Variants in TMC1 observed in about 807,000 individuals in gnomAD.
The protein encoded by TMC1 is transmembrane channel like 1.
A neutral mutation model predicts 105.8 loss-of-function variants in TMC1; 84 were observed. The ratio of observed to expected loss-of-function variants is 0.79; its 90% CI spans 0.67 to 0.95. TMC1 has a LOEUF of 0.95. Among genes scored for constraint, TMC1 ranks in the 40% least tolerant of loss-of-function variants. TMC1 has a pLI of 0.00. For synonymous variants in TMC1, 315 were observed against 311.5 expected (o/e 1.01, Z -0.12); for missense variants, 817 against 914.1 (o/e 0.89, Z 1.37).
Position 72,594,907 on chromosome 9 carries a change from C to T in TMC1, c.-306+16884C>T, listed in dbSNP as rs554016453. 1.1e-3 allele frequency among the ~76,000 whole-genome samples: 164 copies of T among 151,672 alleles called. 2 individuals are homozygous for T. The highest frequency in any genetic ancestry group is 0.01 in the South Asian group (49 of 4,774). On this transcript the variant is annotated intron_variant, in intron 2 of 23. Transcript: ENST00000297784. ...TTGAGACAGCGTCTCACTCTGTCAC[C>T]CAGGCTTGAGTGCAGTGGCGCAATC...
At position 72,836,042 on chromosome 9, in the gene TMC1, G is replaced by A. The variant is rs761420487; in HGVS notation, c.*69G>A. The A allele has an allele frequency of 1.2e-5, 19 of 1,545,994 alleles. No individual in the cohort carries two copies. In the East Asian group the frequency reaches 1.4e-4, roughly 11 times the overall value. Reference sequence around the variant, plus strand: ...TTTAAAAGTAATGCAATATGTGAACGCCCAGAGAACAAGCACTGTGGAACT... The same window carrying A: ...TTTAAAAGTAATGCAATATGTGAACACCCAGAGAACAAGCACTGTGGAACT... On this transcript the variant is annotated 3_prime_UTR_variant, in exon 24 of 24. Coordinates refer to ENST00000297784, the MANE Select transcript of TMC1 (RefSeq NM_138691.3).
At position 72,743,881 on chromosome 9, in the gene TMC1, A is replaced by C. The variant is rs750630412; in HGVS notation, c.535+1356A>C. Among the ~76,000 whole-genome samples, 55 of 152,342 alleles carry C rather than the reference A, an allele frequency of 3.6e-4. 1 individual carries two copies. Among genetic ancestry groups the C allele is most frequent in the Non-Finnish European group, 6.9e-4 (47 of 68,036 alleles). On this transcript the variant is annotated intron_variant, in intron 10 of 23. Coordinates refer to ENST00000297784, the MANE Select transcript of TMC1 (RefSeq NM_138691.3). ...TAAAAAAAGGGATAACATTTGAAACAATTTTGAGCACAATCTTTCCATATT... is the reference window on the plus strand; with the variant it reads ...TAAAAAAAGGGATAACATTTGAAACCATTTTGAGCACAATCTTTCCATATT...
intron 1 of TMC1, among the ~76,000 whole-genome samples, chr9:72,525,382 C>T (rs996884670): frequency 6.6e-6 from 1 of 152,164 alleles, no homozygotes; most frequent in African/African-American, 2.4e-5. Context: ...AAAAAGTGAA[C>T]CAGATACTAC....
intron 8 of TMC1, among the ~76,000 whole-genome samples, chr9:72,702,076 T>G (rs1020924169): frequency 6.6e-6 from 1 of 152,182 alleles, no homozygotes; most frequent in African/African-American, 2.4e-5. Flanking sequence ...AAAAATATTC[T>G]TACCTGGCAA....
At chr9:72,695,813 C>T (rs1826541020) in intron 7 of TMC1, among the ~76,000 whole-genome samples, 1 of 152,136 alleles carries the variant, frequency 6.6e-6, no homozygotes, top group Non-Finnish European at 1.5e-5. Context: ...TCCTCTTCCC[C>T]AGCTTTTCCT....
At chr9:72,570,676 CTTTTTTTTTTTTTTT>C (rs529953890) in intron 1 of TMC1, among the ~76,000 whole-genome samples, 3 of 75,648 alleles carry the variant, frequency 4.0e-5, no homozygotes, top group African/African-American at 5.9e-5. Flanking sequence ...GCCAAATTTC[CTTTTTTTTTTTTTTT>C]TTTTTTTTTT....
chr9:72,819,658 C>T (rs1828838632), intron 19 of TMC1, among the ~76,000 whole-genome samples: 2 of 152,074 alleles, frequency 1.3e-5, no homozygotes, highest in Non-Finnish European at 2.9e-5. Context: ...TTTGGGTTGG[C>T]AAAAGTTCAA....
chr9:72,818,399 T>C (rs1828822192), intron 19 of TMC1, among the ~76,000 whole-genome samples: 1 of 152,214 alleles, frequency 6.6e-6, no homozygotes, highest in African/African-American at 2.4e-5. Flanking sequence ...GAAATACACA[T>C]GATAGTTTCT....
At chr9:72,559,446 CA>C (rs1018563088) in intron 1 of TMC1, among the ~76,000 whole-genome samples, 47 of 152,208 alleles carry the variant, frequency 3.1e-4, no homozygotes, top group African/African-American at 1.1e-3. Context: ...TGTAGGCCCC[CA>C]CCGATGCCCA....
chr9:72,695,930 A>C (rs1291075515), intron 7 of TMC1, among the ~76,000 whole-genome samples: 2 of 152,170 alleles, frequency 1.3e-5, no homozygotes, highest in Non-Finnish European at 2.9e-5. Flanking sequence ...CCTTTCAAAA[A>C]TAAAATGCAA....
intron 2 of TMC1, among the ~76,000 whole-genome samples, chr9:72,615,389 C>T (rs966967283): frequency 1.3e-5 from 2 of 152,118 alleles, no homozygotes; most frequent in African/African-American, 4.8e-5. Flanking sequence ...TATTTTCAAC[C>T]ACTCTCTGAG....
chr9:72,690,264 C>T (rs899693198), intron 6 of TMC1, among the ~76,000 whole-genome samples: 1 of 152,030 alleles, frequency 6.6e-6, no homozygotes, highest in Non-Finnish European at 1.5e-5. Flanking sequence ...ATATTATTGA[C>T]ATCTTGAGTT....
chr9:72,789,691 C>G (rs977605286), intron 15 of TMC1, among the ~76,000 whole-genome samples: 1 of 152,188 alleles, frequency 6.6e-6, no homozygotes, highest in Admixed American at 6.5e-5. Context: ...GTCCAAGGCT[C>G]TTGCTGCTTT....
chr9:72,662,312 G>C (rs1254954244), intron 5 of TMC1, among the ~76,000 whole-genome samples: 1 of 150,368 alleles, frequency 6.7e-6, no homozygotes, highest in Non-Finnish European at 1.5e-5. Context: ...TCAGCCTCCT[G>C]AATTGCTGGG....
chr9:72,688,198 T>G (rs1826407619), intron 5 of TMC1, among the ~76,000 whole-genome samples: 1 of 152,102 alleles, frequency 6.6e-6, no homozygotes, highest in Admixed American at 6.6e-5. Context: ...TAAAAATAAT[T>G]GAAATAGAAA....
intron 18 of TMC1, among the ~76,000 whole-genome samples, chr9:72,806,346 G>T (rs1292662499): frequency 6.7e-6 from 1 of 148,998 alleles, no homozygotes; most frequent in African/African-American, 2.5e-5. Flanking sequence ...GGCCGGGTGG[G>T]GGGCTGACCC....
At chr9:72,792,107 T>A in intron 16 of TMC1, 42 bp downstream of exon 16, 1 of 1,613,654 alleles carries the variant, frequency 6.2e-7, no homozygotes, top group Non-Finnish European at 8.5e-7. Flanking sequence ...AAGAGTGTTG[T>A]TCAATTCCCA....
chr9:72,663,570 G>A (rs1048699710), intron 5 of TMC1, among the ~76,000 whole-genome samples: 5 of 152,134 alleles, frequency 3.3e-5, no homozygotes, highest in African/African-American at 1.2e-4. Flanking sequence ...CAGCTTGGAG[G>A]TTAGAAACAA....
chr9:72,588,481 T>G (rs940287409), intron 2 of TMC1, among the ~76,000 whole-genome samples: 1 of 152,202 alleles, frequency 6.6e-6, no homozygotes, highest in African/African-American at 2.4e-5. Context: ...GACAGAGACC[T>G]CAGCTGTGGC....
Sources: allele counts gnomAD v4.1 joint callset (sites outside exome capture counted in the v4.1 genomes callset), GRCh38; gene constraint gnomAD v4.1.1; transcripts MANE v1.5; gene names NCBI Gene and HGNC (gene_info 2026-07-23, HGNC 2026-07-21).